ARHGAP35: variants seen among roughly 807,000 people sequenced by gnomAD.
ARHGAP35 encodes the protein rho GTPase-activating protein 35.
ARHGAP35 carries 15 observed loss-of-function variants against 111.1 expected under a neutral mutation model. The observed-to-expected ratio is 0.13, with a 90% confidence interval of 0.09 to 0.21. ARHGAP35 has a LOEUF of 0.21. Among genes scored for constraint, ARHGAP35 ranks in the 10% least tolerant of loss-of-function variants. ARHGAP35 has a pLI of 1.00. For missense variants in ARHGAP35, 1,262 were observed against 1,873.0 expected, an observed-to-expected ratio of 0.67 and a Z score of 6.02; for synonymous variants, 643 against 710.3, an observed-to-expected ratio of 0.91 and a Z score of 1.51.
chr19:46,907,476 T>C (rs889975417), intron 1 of ARHGAP35, among the ~76,000 whole-genome samples: 4 of 126,424 alleles, frequency 3.2e-5, no homozygotes, highest in African/African-American at 1.2e-4. Flanking sequence ...CTTAGCTTCT[T>C]TTTTTGTTTG....
chr19:46,868,379 C>T (rs2055869668), intron 1 of ARHGAP35, among the ~76,000 whole-genome samples: 1 of 152,114 alleles, frequency 6.6e-6, no homozygotes, highest in South Asian at 2.1e-4. Context: ...AAACAATTAA[C>T]TATATAGGGT....
intron 1 of ARHGAP35, among the ~76,000 whole-genome samples, chr19:46,899,615 G>A (rs1462281811): frequency 6.6e-6 from 1 of 151,662 alleles, no homozygotes; most frequent in Non-Finnish European, 1.5e-5. Flanking sequence ...CGGGAGGATC[G>A]CTTGAGCCTG....
intron 1 of ARHGAP35, among the ~76,000 whole-genome samples, chr19:46,867,336 A>G (rs376540375): frequency 1.3e-5 from 2 of 152,156 alleles, no homozygotes; most frequent in East Asian, 3.9e-4. Context: ...TGCTCTCCTG[A>G]TATCTCTGCA....
chr19:46,888,298 AT>A (rs1222274042), intron 1 of ARHGAP35, among the ~76,000 whole-genome samples: 77 of 66,542 alleles, frequency 1.2e-3, no homozygotes, highest in Middle Eastern at 0.013. Context: ...ATATATATAT[AT>A]ATATATATAT....
In ARHGAP35 at chr19:47,004,858, A is replaced by G. The variant is rs536005474; in HGVS notation, c.*4170A>G. 6.6e-6 allele frequency: 1 copy of G among 152,294 alleles called. No individual in the cohort carries two copies. Among genetic ancestry groups the G allele is most frequent in the Admixed American group, 6.5e-5 (1 of 15,300 alleles). 9.4% of individuals were successfully genotyped at this position (152,294 alleles called of 1,614,324 possible). A position where few individuals can be genotyped will look rare whatever the true frequency, so the allele number is the denominator to read the frequency against. ...AATTTCCAGACTTTTTTTTAAAAAC[A>G]CATCGTGGGTTTTTTGAGGCTCCAA... On this transcript the variant is annotated 3_prime_UTR_variant, in exon 7 of 7. Coordinates refer to ENST00000672722, the MANE Select transcript of ARHGAP35 (RefSeq NM_004491.5).
chr19:46,901,300 G>A lies in ARHGAP35; in HGVS notation c.-188-17188G>A, dbSNP rs1035051660. On this transcript the variant is annotated intron_variant, in intron 1 of 6. Transcript: ENST00000672722. The surrounding 1 kb of genome is among the most constrained non-coding windows in gnomAD (Gnocchi z 4.5). ...AGGCCAGGCATAGTGGCTCACCCCT[G>A]TAATCCCAGCACTTCGGGAGGCCGA... 9.2e-5 allele frequency among the ~76,000 whole-genome samples: 14 copies of A among 152,242 alleles called. No homozygotes were observed. The highest frequency in any genetic ancestry group is 1.6e-4 in the Non-Finnish European group (11 of 68,036).
At chr19:46,865,009 GAC>G (rs2122850762) in intron 1 of ARHGAP35, among the ~76,000 whole-genome samples, 1 of 152,292 alleles carries the variant, frequency 6.6e-6, no homozygotes, top group African/African-American at 2.4e-5. Context: ...AGGGAGAGAG[GAC>G]ACACAGAATA....
chr19:46,905,455 C>T (rs1411114852), intron 1 of ARHGAP35, among the ~76,000 whole-genome samples: 1 of 150,460 alleles, frequency 6.6e-6, no homozygotes, highest in African/African-American at 2.5e-5. Context: ...GGCTCACTGC[C>T]ACCTCTGCCG....
At chr19:46,934,962 C>A (rs372220200) in intron 2 of ARHGAP35, among the ~76,000 whole-genome samples, 1 of 152,216 alleles carries the variant, frequency 6.6e-6, no homozygotes, top group South Asian at 2.1e-4. Flanking sequence ...CATTAGCCAC[C>A]ATGCCCAGCC....
At chr19:46,869,615 C>G (rs937302209) in intron 1 of ARHGAP35, among the ~76,000 whole-genome samples, 1 of 151,958 alleles carries the variant, frequency 6.6e-6, no homozygotes, top group African/African-American at 2.4e-5. Flanking sequence ...GCCTGCACTA[C>G]TTAGGAATGA....
At chr19:46,880,962 T>G (rs1049105285) in intron 1 of ARHGAP35, among the ~76,000 whole-genome samples, 2 of 150,566 alleles carry the variant, frequency 1.3e-5, no homozygotes, top group Admixed American at 6.6e-5. Context: ...TTTTTTTTTT[T>G]TTTTGAGATG....
rs527584530 is a variant in ARHGAP35, at chr19:46,891,459, G to T, written c.-188-27029G>T. Among the ~76,000 whole-genome samples, 117 of 147,536 alleles carry T rather than the reference G, an allele frequency of 7.9e-4. No homozygotes were observed. The South Asian group carries it at 0.015, about 19-fold the overall frequency. On this transcript the variant is annotated intron_variant, in intron 1 of 6. Coordinates refer to ENST00000672722, the MANE Select transcript of ARHGAP35 (RefSeq NM_004491.5). ...GTTTTTTTTTTTTAGATGGAGTCTC[G>T]CTCTGTAACCAGGCTGGAGTGCAGT...
rs1468216384 is a variant in ARHGAP35 at position 46,989,987 on chromosome 19, T to C, written c.4036+312T>C. On this transcript the variant is annotated intron_variant, in intron 5 of 6. Transcript: ENST00000672722. This position sits in a 1 kb window ranked among gnomAD's most constrained non-coding sequence, Gnocchi z 5.3. ...GGCCGACTTAACCTTCCCTGCCCCT[T>C]GTGTCCTGCCGTTGTTACCATCCCT... is the stretch of plus-strand genomic sequence containing the variant. Among the ~76,000 whole-genome samples, 1 of 152,236 alleles carries C rather than the reference T, an allele frequency of 6.6e-6. No individual in the cohort carries two copies. The highest frequency in any genetic ancestry group is 1.5e-5 in the Non-Finnish European group (1 of 68,036).
chr19:46,886,539 A>G (rs1484377535), intron 1 of ARHGAP35, among the ~76,000 whole-genome samples: 1 of 152,140 alleles, frequency 6.6e-6, no homozygotes, highest in African/African-American at 2.4e-5. Context: ...CGTTGTTAAT[A>G]GTTGTATTTT....
chr19:46,966,365 A>G (rs536343187), intron 3 of ARHGAP35, among the ~76,000 whole-genome samples: 5 of 152,302 alleles, frequency 3.3e-5, no homozygotes, highest in South Asian at 2.1e-4. Context: ...CCCCAGCAAC[A>G]TATCGAGACT....
rs2056686567 is a variant in ARHGAP35 at position 46,992,874 on chromosome 19, G to T, written c.4036+3199G>T. Reference sequence around the variant, plus strand: ...GGCTAGAGATAACAGTGCAGCCTAGGTTACCAGGGGACGGCCCTGCTGCTC... The same window carrying T: ...GGCTAGAGATAACAGTGCAGCCTAGTTTACCAGGGGACGGCCCTGCTGCTC... On this transcript the variant is annotated intron_variant, in intron 5 of 6. Coordinates refer to ENST00000672722, the MANE Select transcript of ARHGAP35 (RefSeq NM_004491.5). The surrounding 1 kb of genome is among the most constrained non-coding windows in gnomAD (Gnocchi z 4.4). Among the ~76,000 whole-genome samples, 1 of 152,212 alleles carries T rather than the reference G, an allele frequency of 6.6e-6. No homozygotes were observed. Among genetic ancestry groups the T allele is most frequent in the African/African-American group, 2.4e-5 (1 of 41,448 alleles).
In ARHGAP35 at chr19:46,883,427, G is replaced by A. The variant is rs997360712; in HGVS notation, c.-189+22218G>A. Among the ~76,000 whole-genome samples, 4 of 152,154 alleles carry A rather than the reference G, an allele frequency of 2.6e-5. No individual in the cohort carries two copies. The East Asian group carries it at 7.7e-4, about 29-fold the overall frequency. ...ATTGGCCTAATTTCAACATGGTTGTGTCTCAGAGAACAGGGACAGAGATGA... is the reference window on the plus strand; with the variant it reads ...ATTGGCCTAATTTCAACATGGTTGTATCTCAGAGAACAGGGACAGAGATGA... On this transcript the variant is annotated intron_variant, in intron 1 of 6. Coordinates refer to ENST00000672722, the MANE Select transcript of ARHGAP35 (RefSeq NM_004491.5).
rs1186430891 is a variant in ARHGAP35, at chr19:46,908,772, C to A, written c.-188-9716C>A. 1.3e-5 allele frequency among the ~76,000 whole-genome samples: 2 copies of A among 152,072 alleles called. No individual in the cohort carries two copies. The highest frequency in any genetic ancestry group is 2.9e-5 in the Non-Finnish European group (2 of 68,030). On this transcript the variant is annotated intron_variant, in intron 1 of 6. Coordinates refer to ENST00000672722, the MANE Select transcript of ARHGAP35 (RefSeq NM_004491.5). The surrounding 1 kb of genome is among the most constrained non-coding windows in gnomAD (Gnocchi z 4.2). The stretch of plus-strand genomic sequence containing the variant: ...GACCAGCCTGTAGAGTTCTGCAAGC[C>A]TGGAAGCATGAGAACTGTGGCGGGG...
intron 3 of ARHGAP35, among the ~76,000 whole-genome samples, chr19:46,950,811 G>A (rs1435614754): frequency 1.3e-5 from 2 of 152,166 alleles, no homozygotes; most frequent in Admixed American, 6.5e-5. Context: ...TTTACCTGCC[G>A]GGCCATCATA....
Sources: gnomAD v4.1 joint callset for allele counts (sites outside exome capture counted in the v4.1 genomes callset) on GRCh38, gnomAD v4.1.1 for gene constraint, Gnocchi (gnomAD v3.1) non-coding constraint, MANE v1.5 for transcripts, NCBI Gene and HGNC (gene_info 2026-07-23, HGNC 2026-07-21) for gene names.